Variants in EHBP1 observed in about 807,000 individuals in gnomAD.
The protein encoded by EHBP1 is EH domain binding protein 1.
EHBP1 carries 55 observed loss-of-function variants against 144.0 expected under a neutral mutation model. The observed-to-expected ratio is 0.38, with a 90% confidence interval of 0.31 to 0.48. The LOEUF (loss-of-function observed/expected upper bound fraction) is 0.48. EHBP1 is among the 20% of genes least tolerant of loss of function. The pLI, the probability that EHBP1 is intolerant of heterozygous loss-of-function variation, is 0.98. For missense variants in EHBP1, 1,200 were observed against 1,364.2 expected, an observed-to-expected ratio of 0.88 and a Z score of 1.90; for synonymous variants, 469 against 472.7, an observed-to-expected ratio of 0.99 and a Z score of 0.10.
chr2:62,904,580 T>C (rs1042531545), intron 10 of EHBP1, among the ~76,000 whole-genome samples: 1 of 152,102 alleles, frequency 6.6e-6, no homozygotes, highest in Non-Finnish European at 1.5e-5. Flanking sequence ...CCCTGAGGAT[T>C]ATCAAGGTCC....
Position 62,921,451 on chromosome 2 carries a change from GAAAAA to G in EHBP1, c.1186-21259_1186-21255del, listed in dbSNP as rs112306984. 3.2e-5 allele frequency among the ~76,000 whole-genome samples: 3 copies of G among 94,244 alleles called. No homozygotes were observed. The East Asian group carries it at 8.7e-4, about 27-fold the overall frequency. 61.8% of individuals were successfully genotyped at this position (94,244 alleles called of 152,430 possible). ...CAGAGCCAGACCTTGTCTCAAAAAA[GAAAAA>G]AAAAAAAGTAATCCCCATGATAACC... On this transcript the variant is annotated intron_variant, in intron 10 of 22. Transcript: ENST00000431489.
chr2:63,028,598 C>G (rs559197873), intron 19 of EHBP1, among the ~76,000 whole-genome samples: 1 of 152,256 alleles, frequency 6.6e-6, no homozygotes, highest in East Asian at 1.9e-4. Flanking sequence ...AACACTGGAG[C>G]AGGTTACCTA....
chr2:62,793,571 G>A (rs1466739286), intron 5 of EHBP1, among the ~76,000 whole-genome samples: 1 of 152,000 alleles, frequency 6.6e-6, no homozygotes, highest in Non-Finnish European at 1.5e-5. Context: ...GATGACTAGG[G>A]GTGTGTGTGG....
At chr2:62,838,253 C>T (rs1196955938) in intron 7 of EHBP1, among the ~76,000 whole-genome samples, 6 of 152,094 alleles carry the variant, frequency 3.9e-5, no homozygotes, top group Admixed American at 1.3e-4. Context: ...GGGTACATAA[C>T]GAAATGAAGG....
intron 4 of EHBP1, among the ~76,000 whole-genome samples, chr2:62,769,812 AAAAAG>A (rs1164684835): frequency 6.7e-6 from 1 of 150,234 alleles, no homozygotes; most frequent in East Asian, 2.0e-4. Flanking sequence ...AAAAAAAAAA[AAAAAG>A]CAGGCATGTA....
intron 7 of EHBP1, among the ~76,000 whole-genome samples, chr2:62,834,620 T>G (rs1464781519): frequency 6.6e-6 from 1 of 152,212 alleles, no homozygotes; most frequent in Non-Finnish European, 1.5e-5. Context: ...GCCAAAAAGT[T>G]TTTGTGACTT....
At chr2:62,766,156 A>G (rs1009775244) in intron 4 of EHBP1, among the ~76,000 whole-genome samples, 3 of 152,186 alleles carry the variant, frequency 2.0e-5, no homozygotes, top group African/African-American at 2.4e-5. Flanking sequence ...GTAAACAGAC[A>G]TAAGAAGTAA....
chr2:62,876,879 T>C (rs1299388909), intron 10 of EHBP1, among the ~76,000 whole-genome samples: 2 of 152,082 alleles, frequency 1.3e-5, no homozygotes, highest in Non-Finnish European at 2.9e-5. Context: ...GACATAAGAT[T>C]TGGGTGGAGA....
At chr2:62,952,000 C>T (rs1205191512) in intron 13 of EHBP1, among the ~76,000 whole-genome samples, 1 of 152,174 alleles carries the variant, frequency 6.6e-6, no homozygotes, top group Non-Finnish European at 1.5e-5. Flanking sequence ...TAGCCTCTCT[C>T]GATCTTATTT....
intron 10 of EHBP1, among the ~76,000 whole-genome samples, chr2:62,889,034 G>T (rs1227690949): frequency 1.5e-5 from 2 of 130,824 alleles, no homozygotes; most frequent in Non-Finnish European, 3.2e-5. Flanking sequence ...ATAAATTTTG[G>T]CAGTAGGTAC....
At chr2:62,766,746 T>C (rs1042526991) in intron 4 of EHBP1, among the ~76,000 whole-genome samples, 2 of 152,154 alleles carry the variant, frequency 1.3e-5, no homozygotes, top group Non-Finnish European at 2.9e-5. Context: ...TTTTTCTTGT[T>C]CATTCTTGTA....
intron 1 of EHBP1, among the ~76,000 whole-genome samples, chr2:62,683,784 G>T (rs1462702304): frequency 2.6e-5 from 4 of 151,854 alleles, no homozygotes; most frequent in Non-Finnish European, 4.4e-5. Flanking sequence ...ATGTCTACTT[G>T]CCTAGAACAG....
chr2:62,675,007 A>T (rs576990498), intron 1 of EHBP1, among the ~76,000 whole-genome samples: 14 of 152,270 alleles, frequency 9.2e-5, no homozygotes, highest in African/African-American at 3.4e-4. Flanking sequence ...GAGAGGGAGA[A>T]CTTGAGTTCA....
At chr2:63,032,141 G>A (rs1044865791) in intron 19 of EHBP1, among the ~76,000 whole-genome samples, 38 of 151,454 alleles carry the variant, frequency 2.5e-4, no homozygotes, top group African/African-American at 9.2e-4. Flanking sequence ...TGTAAATGAC[G>A]AGTTAACGGG....
chr2:62,818,336 T>C (rs2045600763), intron 5 of EHBP1, among the ~76,000 whole-genome samples: 1 of 152,008 alleles, frequency 6.6e-6, no homozygotes, highest in Non-Finnish European at 1.5e-5. Flanking sequence ...ACCTGTATTT[T>C]TACTGCACCT....
intron 15 of EHBP1, among the ~76,000 whole-genome samples, chr2:62,987,745 T>C (rs1397142890): frequency 1.3e-5 from 2 of 152,150 alleles, no homozygotes; most frequent in East Asian, 1.9e-4. Context: ...GACATAGGAA[T>C]GTAAAATATA....
intron 10 of EHBP1, among the ~76,000 whole-genome samples, chr2:62,934,978 C>T (rs995690823): frequency 2.0e-4 from 30 of 152,156 alleles, no homozygotes; most frequent in African/African-American, 7.2e-4. Flanking sequence ...TTAGCCGTTT[C>T]TCTCTGGAAA....
chr2:62,733,964 G>A (rs2037862770), intron 2 of EHBP1, among the ~76,000 whole-genome samples: 1 of 152,154 alleles, frequency 6.6e-6, no homozygotes, highest in East Asian at 1.9e-4. Context: ...CAGTTTTGGG[G>A]GTAGTGATTT....
intron 7 of EHBP1, chr2:62,858,524 C>T: frequency 6.4e-7 from 1 of 1,566,556 alleles, no homozygotes; most frequent in Non-Finnish European, 8.8e-7. Context: ...TAAGAGCTTT[C>T]CTCCTTTCTT....
Sources: gnomAD v4.1 joint callset for allele counts (sites outside exome capture counted in the v4.1 genomes callset) on GRCh38, gnomAD v4.1.1 for gene constraint, MANE v1.5 for transcripts, NCBI Gene and HGNC (gene_info 2026-07-23, HGNC 2026-07-21) for gene names.